Variants in MKX observed in about 807,000 individuals in gnomAD.
MKX encodes mohawk homeobox.
Under a neutral mutation model 36.0 loss-of-function variants are expected in MKX, and 13 were observed. The observed-to-expected ratio is 0.36, with a 90% confidence interval of 0.24 to 0.57. The LOEUF (loss-of-function observed/expected upper bound fraction) is 0.57, where lower values mean the gene tolerates loss of function less well. Ranked by LOEUF, MKX falls within the 20% of genes least tolerant of loss-of-function variation. The probability of loss-of-function intolerance (pLI) is 0.79; values close to 1 mark genes in which losing one functional copy is unlikely to be tolerated. For synonymous variants in MKX, 176 were observed against 178.3 expected, an observed-to-expected ratio of 0.99 and a Z score of 0.10; for missense variants, 458 against 456.4, an observed-to-expected ratio of 1.00 and a Z score of -0.03.
At chr10:27,725,209 G>C (rs1834462633) in intron 5 of MKX, among the ~76,000 whole-genome samples, 1 of 152,134 alleles carries the variant, frequency 6.6e-6, no homozygotes, top group African/African-American at 2.4e-5. Context: ...GATTGATCTG[G>C]AAGATCCTTT....
intron 5 of MKX, 115 bp downstream of exon 5, chr10:27,734,341 G>T: frequency 1.1e-6 from 1 of 913,868 alleles, no homozygotes; most frequent in Non-Finnish European, 1.6e-6. Context: ...TGAATTATGG[G>T]CAATATGTGA....
At chr10:27,709,022 A>G (rs1429545928) in intron 5 of MKX, among the ~76,000 whole-genome samples, 1 of 151,844 alleles carries the variant, frequency 6.6e-6, no homozygotes, top group Non-Finnish European at 1.5e-5. Flanking sequence ...TAAAAAAATT[A>G]GCTGGGCATG....
chr10:27,710,734 C>T (rs1836836102), intron 5 of MKX, among the ~76,000 whole-genome samples: 1 of 152,196 alleles, frequency 6.6e-6, no homozygotes, highest in Non-Finnish European at 1.5e-5. Flanking sequence ...TCTGGGCTCA[C>T]TGCAACTTCC....
At chr10:27,702,590 C>T (rs907872128) in intron 5 of MKX, among the ~76,000 whole-genome samples, 1 of 152,120 alleles carries the variant, frequency 6.6e-6, no homozygotes, top group Non-Finnish European at 1.5e-5. Context: ...TATCAGGAGG[C>T]AGTGTTGTGT....
chr10:27,686,580 G>A (rs1040747560), intron 5 of MKX, among the ~76,000 whole-genome samples: 3 of 152,062 alleles, frequency 2.0e-5, no homozygotes, highest in Admixed American at 6.5e-5. Flanking sequence ...GGGTTCAAGC[G>A]ATTCTCCTGC....
intron 5 of MKX, among the ~76,000 whole-genome samples, chr10:27,686,730 G>A (rs1419961774): frequency 6.6e-6 from 1 of 152,050 alleles, no homozygotes; most frequent in Non-Finnish European, 1.5e-5. Flanking sequence ...GCCCGCCTTG[G>A]CCTCCCAAAG....
rs1177060089 is a variant in MKX at position 27,699,746 on chromosome 10, G to T, written c.839-24192C>A. On this transcript the variant is annotated intron_variant, in intron 5 of 6. Coordinates refer to ENST00000419761, the MANE Select transcript of MKX (RefSeq NM_173576.3). ...CCCTCAGAAAGATGGTCTTTGGGGT[G>T]CATGTGTGACGGTCATTTGTCTTGC... Among the ~76,000 whole-genome samples the T allele has an allele frequency of 3.9e-5, 6 of 152,180 alleles. No individual in the cohort carries two copies. The East Asian group carries it at 1.2e-3, about 29-fold the overall frequency.
At chr10:27,681,748 T>C (rs1269301907) in intron 5 of MKX, among the ~76,000 whole-genome samples, 1 of 152,036 alleles carries the variant, frequency 6.6e-6, no homozygotes, top group Non-Finnish European at 1.5e-5. Flanking sequence ...GGTGAAACCC[T>C]GTCTCTACTA....
intron 5 of MKX, among the ~76,000 whole-genome samples, chr10:27,714,174 TCA>T (rs1589678612): frequency 6.6e-6 from 1 of 152,074 alleles, no homozygotes; most frequent in African/African-American, 2.4e-5. Context: ...ATCCAGAAAT[TCA>T]CAGTCGCTTC....
chr10:27,685,603 C>T (rs534490355), intron 5 of MKX, among the ~76,000 whole-genome samples: 20 of 152,148 alleles, frequency 1.3e-4, no homozygotes, highest in Admixed American at 2.6e-4. Context: ...CGCCCGCCAC[C>T]ACGCCTGGCT....
intron 5 of MKX, among the ~76,000 whole-genome samples, chr10:27,729,098 C>G (rs1224297919): frequency 6.6e-6 from 1 of 152,196 alleles, no homozygotes; most frequent in African/African-American, 2.4e-5. Flanking sequence ...CCGATTAATT[C>G]ATACTAACAT....
intron 5 of MKX, among the ~76,000 whole-genome samples, chr10:27,693,692 T>A (rs1251424017): frequency 3.3e-5 from 5 of 152,192 alleles, no homozygotes; most frequent in Admixed American, 6.5e-5. Context: ...AAAACATATT[T>A]GTTTTAGTCA....
intron 5 of MKX, among the ~76,000 whole-genome samples, chr10:27,728,182 A>G (rs1298553939): frequency 6.6e-6 from 1 of 152,236 alleles, no homozygotes; most frequent in Non-Finnish European, 1.5e-5. Flanking sequence ...AAAACCAAGA[A>G]AGTGACAGCA....
intron 5 of MKX, among the ~76,000 whole-genome samples, chr10:27,718,112 G>A (rs933298550): frequency 2.0e-5 from 3 of 152,122 alleles, no homozygotes; most frequent in South Asian, 2.1e-4. Context: ...GGACATAGAA[G>A]TATGGTGAAA....
chr10:27,695,535 C>G (rs997682588), intron 5 of MKX, among the ~76,000 whole-genome samples: 1 of 152,020 alleles, frequency 6.6e-6, no homozygotes, highest in Non-Finnish European at 1.5e-5. Context: ...AATCATCCTA[C>G]AAGATAGATG....
chr10:27,710,380 G>A (rs1304927978), intron 5 of MKX, among the ~76,000 whole-genome samples: 1 of 152,140 alleles, frequency 6.6e-6, no homozygotes, highest in Admixed American at 6.5e-5. Flanking sequence ...CTACTGACTG[G>A]TCACAAGGAC....
At chr10:27,682,158 A>T (rs1254023512) in intron 5 of MKX, among the ~76,000 whole-genome samples, 1 of 152,288 alleles carries the variant, frequency 6.6e-6, no homozygotes, top group African/African-American at 2.4e-5. Flanking sequence ...AAATGTTTAG[A>T]AAGTAAAAAT....
At chr10:27,693,589 T>C (rs1836492831) in intron 5 of MKX, among the ~76,000 whole-genome samples, 1 of 152,162 alleles carries the variant, frequency 6.6e-6, no homozygotes, top group Non-Finnish European at 1.5e-5. Context: ...GTTCATATGA[T>C]TTAAATGAAT....
intron 5 of MKX, among the ~76,000 whole-genome samples, chr10:27,693,769 T>C (rs1836496243): frequency 6.6e-6 from 1 of 152,176 alleles, no homozygotes; most frequent in Non-Finnish European, 1.5e-5. Context: ...AAAGCAATTT[T>C]CTGCTTTTTC....
Sources: allele counts gnomAD v4.1 joint callset (sites outside exome capture counted in the v4.1 genomes callset), GRCh38; gene constraint gnomAD v4.1.1; transcripts MANE v1.5; gene names NCBI Gene and HGNC (gene_info 2026-07-23, HGNC 2026-07-21).